ANK3: variants seen among roughly 807,000 people sequenced by gnomAD.
ANK3 encodes the protein ankyrin 3, also known as ankyrin-3.
Under a neutral mutation model 370.9 loss-of-function variants are expected in ANK3, and 57 were observed. The ratio of observed to expected loss-of-function variants is 0.15; its 90% CI spans 0.12 to 0.19. ANK3 has a LOEUF of 0.19. ANK3 is among the 10% of genes least tolerant of loss of function. The probability of loss-of-function intolerance (pLI) is 1.00; values close to 1 mark genes in which losing one functional copy is unlikely to be tolerated. For missense variants in ANK3, 4,439 were observed against 5,302.1 expected, an observed-to-expected ratio of 0.84 and a Z score of 5.06; for synonymous variants, 1,929 against 1,946.3, an observed-to-expected ratio of 0.99 and a Z score of 0.23.
At chr10:60,064,495 C>T (rs1198543988) in intron 38 of ANK3, among the ~76,000 whole-genome samples, 1 of 152,062 alleles carries the variant, frequency 6.6e-6, no homozygotes, top group Non-Finnish European at 1.5e-5. Flanking sequence ...TAGGTAATGA[C>T]TTACAATCAG....
intron 2 of ANK3, among the ~76,000 whole-genome samples, chr10:60,601,593 T>A (rs1198131198): frequency 6.6e-6 from 1 of 151,916 alleles, no homozygotes; most frequent in Non-Finnish European, 1.5e-5. Flanking sequence ...ACTGAGAAAC[T>A]AGCAGACATT....
In ANK3 at chr10:60,074,760, T is replaced by C. The variant is rs797045236; in HGVS notation, c.6121A>G (p.Ile2041Val). ...TKVIDYLTND[I>V]GSSSLTNLKY... ...AAGTTTGTCAGTGAACTACTCCCAA[T>C]ATCATTTGTTAGGTAATCAATAACT... Residue 2041 changes from isoleucine to valine, a missense_variant, in exon 37 of 44, where the codon ATT (isoleucine) becomes GTT (valine). Transcript: ENST00000280772. 1 of 1,614,086 alleles carries C rather than the reference T, an allele frequency of 6.2e-7. No individual in the cohort carries two copies.
At position 60,539,817 on chromosome 10, in the gene ANK3, AT is replaced by A. The variant is rs569627060; in HGVS notation, c.96+75368del. 2.6e-5 allele frequency among the ~76,000 whole-genome samples: 4 copies of A among 152,066 alleles called. No homozygotes were observed. In the South Asian group the frequency reaches 8.3e-4, roughly 32 times the overall value. ...ACCATGTATTTATTGAGTGCCTGCTATGAAATCAAGCCCTATTTCAGGCCCT... is the reference window on the plus strand; with the variant it reads ...ACCATGTATTTATTGAGTGCCTGCTAGAAATCAAGCCCTATTTCAGGCCCT... On this transcript the variant is annotated intron_variant, in intron 2 of 43. Transcript: ENST00000373827.
At chr10:60,282,784 T>A (rs1167727458) in intron 1 of ANK3, among the ~76,000 whole-genome samples, 4 of 152,110 alleles carry the variant, frequency 2.6e-5, no homozygotes, top group Non-Finnish European at 4.4e-5. Flanking sequence ...CTGTTACGTA[T>A]CAACATGCTT....
intron 28 of ANK3, among the ~76,000 whole-genome samples, chr10:60,102,167 G>T (rs2091382735): frequency 6.7e-6 from 1 of 149,118 alleles, no homozygotes; most frequent in South Asian, 2.2e-4. Context: ...AGGTACACAG[G>T]TTGGCAACTA....
intron 2 of ANK3, among the ~76,000 whole-genome samples, chr10:60,518,045 AG>A (rs2076263402): frequency 6.6e-6 from 1 of 152,120 alleles, no homozygotes; most frequent in Non-Finnish European, 1.5e-5. Context: ...GGCTTAGCAA[AG>A]CCCTGAACAG....
chr10:60,595,483 G>A (rs1020053361), intron 2 of ANK3, among the ~76,000 whole-genome samples: 1 of 152,132 alleles, frequency 6.6e-6, no homozygotes, highest in Non-Finnish European at 1.5e-5. Flanking sequence ...AGTCCAGATG[G>A]CACCAGTTGG....
intron 2 of ANK3, among the ~76,000 whole-genome samples, chr10:60,537,161 C>A (rs1415948345): frequency 2.0e-5 from 3 of 151,930 alleles, no homozygotes; most frequent in Non-Finnish European, 4.4e-5. Context: ...TTCAATTAAA[C>A]AAAAGTTTTC....
chr10:60,471,613 G>T (rs2065221236), intron 2 of ANK3, among the ~76,000 whole-genome samples: 2 of 152,066 alleles, frequency 1.3e-5, no homozygotes, highest in Admixed American at 1.3e-4. Context: ...TCATAGCAGT[G>T]AAATTGTTTG....
chr10:60,245,674 A>G (rs372170193), intron 7 of ANK3, among the ~76,000 whole-genome samples: 22 of 152,228 alleles, frequency 1.4e-4, no homozygotes, highest in East Asian at 7.7e-4. Flanking sequence ...ACTTATCAGT[A>G]CTTTATTTCT....
At chr10:60,684,429 GGATC>G (rs2079240912) in intron 1 of ANK3, 3 of 802,898 alleles carry the variant, frequency 3.7e-6, no homozygotes, top group Non-Finnish European at 5.8e-6. Context: ...TCTTATAGTT[GGATC>G]ACCTACGAAG....
At chr10:60,250,625 A>T (rs1194556123) in intron 7 of ANK3, among the ~76,000 whole-genome samples, 8 of 152,148 alleles carry the variant, frequency 5.3e-5, no homozygotes, top group Admixed American at 5.2e-4. Flanking sequence ...TTGGCCTCCC[A>T]AAGTTCTGGG....
chr10:60,135,575 T>C (rs936475087), intron 24 of ANK3, among the ~76,000 whole-genome samples: 5 of 152,242 alleles, frequency 3.3e-5, no homozygotes, highest in African/African-American at 1.2e-4. Flanking sequence ...CTTCTTTCAC[T>C]GCCTATATAA....
At chr10:60,230,945 C>G (rs2097233632) in intron 8 of ANK3, among the ~76,000 whole-genome samples, 1 of 151,036 alleles carries the variant, frequency 6.6e-6, no homozygotes, top group South Asian at 2.1e-4. Flanking sequence ...CATATCCTAG[C>G]TAAACACCTC....
At chr10:60,549,326 T>C (rs545289164) in intron 2 of ANK3, among the ~76,000 whole-genome samples, 77 of 152,324 alleles carry the variant, frequency 5.1e-4, no homozygotes, top group African/African-American at 1.7e-3. Flanking sequence ...TTACTGCTTA[T>C]GATTCAAACT....
chr10:60,175,285 GC>G (rs1317634746), intron 18 of ANK3, among the ~76,000 whole-genome samples: 1 of 152,194 alleles, frequency 6.6e-6, no homozygotes, highest in African/African-American at 2.4e-5. Context: ...GATTGAACTT[GC>G]ATTCAGAGAA....
In ANK3 at chr10:60,226,553, TA is replaced by T. The variant is rs1304073854; in HGVS notation, c.897+8134del. ...GTATATATACATAGTATATATACTA[TA>T]GTATATATACATAGTATATGTATAT... is the stretch of plus-strand genomic sequence containing the variant. On this transcript the variant is annotated intron_variant, in intron 8 of 43. Transcript: ENST00000280772. Among the ~76,000 whole-genome samples the T allele has an allele frequency of 2.8e-3, 38 of 13,734 alleles. 1 individual carries two copies. The East Asian group carries it at 0.037, about 13-fold the overall frequency. 9.0% of individuals were successfully genotyped at this position (13,734 alleles called of 152,430 possible). A position where few individuals can be genotyped will look rare whatever the true frequency, so the allele number is the denominator to read the frequency against.
intron 1 of ANK3, among the ~76,000 whole-genome samples, chr10:60,386,977 C>T (rs4948414): frequency 1 from 151,571 of 152,246 alleles, 75,450 homozygotes; most frequent in Middle Eastern, 1. Context: ...CTGGCCAACA[C>T]GGCGAAACCC....
At chr10:60,715,040 A>G (rs1273923239) in intron 1 of ANK3, among the ~76,000 whole-genome samples, 1 of 152,134 alleles carries the variant, frequency 6.6e-6, no homozygotes, top group Admixed American at 6.5e-5. Context: ...GTATCACTTT[A>G]CCCAAGGTGT....
Sources: gnomAD v4.1 joint callset for allele counts (sites outside exome capture counted in the v4.1 genomes callset) on GRCh38, gnomAD v4.1.1 for gene constraint, MANE v1.5 for transcripts, NCBI Gene and HGNC (gene_info 2026-07-23, HGNC 2026-07-21) for gene names.